Variants in ASTN2 observed in about 807,000 individuals in gnomAD.
ASTN2 encodes the protein astrotactin-2.
In ASTN2, 54 loss-of-function variants were observed where a neutral mutation model predicts 139.8. That is an observed-to-expected ratio of 0.39 (90% CI 0.31 to 0.48). ASTN2 has a LOEUF of 0.48. ASTN2 is among the 20% of genes least tolerant of loss of function. The pLI is 0.95. For synonymous variants in ASTN2, 756 were observed against 719.5 expected, an observed-to-expected ratio of 1.05 and a Z score of -0.81; for missense variants, 1,565 against 1,725.1, an observed-to-expected ratio of 0.91 and a Z score of 1.64.
At chr9:117,388,508 G>C (rs1481499843) in intron 1 of ASTN2, among the ~76,000 whole-genome samples, 2 of 152,216 alleles carry the variant, frequency 1.3e-5, no homozygotes, top group African/African-American at 2.4e-5. Flanking sequence ...GATCCCCAGA[G>C]CAAGCTCCTT....
Position 116,994,512 on chromosome 9 carries a change from G to A in ASTN2, c.1591+13580C>T, listed in dbSNP as rs139478733. Among the ~76,000 whole-genome samples, 211 of 152,240 alleles carry A rather than the reference G, an allele frequency of 1.4e-3. 1 individual carries two copies. Among genetic ancestry groups the A allele is most frequent in the Non-Finnish European group, 2.6e-3 (174 of 68,022 alleles). On this transcript the variant is annotated intron_variant, in intron 7 of 22. Transcript: ENST00000313400. The stretch of plus-strand genomic sequence containing the variant: ...CTGCTCTTTACTCTGTCACAGCACT[G>A]TCTAATTGAGCTTGTTGCAACAATG...
At chr9:116,746,516 G>A (rs2416570) in intron 13 of ASTN2, among the ~76,000 whole-genome samples, 83,749 of 151,986 alleles carry the variant, frequency 0.55, 24,217 homozygotes, top group Admixed American at 0.66. Flanking sequence ...CTCAAGATGA[G>A]CTGATTGGCA....
Position 117,414,958 on chromosome 9 carries a change from C to T in ASTN2, c.-20G>A, listed in dbSNP as rs1831290515. The T allele has an allele frequency of 4.1e-6, 1 of 244,114 alleles. No individual in the cohort carries two copies. The highest frequency in any genetic ancestry group is 7.0e-6 in the Non-Finnish European group (1 of 143,344). 15.1% of individuals were successfully genotyped at this position (244,114 alleles called of 1,614,324 possible). On this transcript the variant is annotated 5_prime_UTR_variant, in exon 1 of 23. Coordinates refer to ENST00000313400, the MANE Select transcript of ASTN2 (RefSeq NM_001365068.1). The surrounding 1 kb of genome is among the most constrained non-coding windows in gnomAD (Gnocchi z 4.2). ...GGCCATGGCGGGAGGGGCTGCGGTGCTGCGGGCGGCGGCGGCGGTGGCGGC... is the reference window on the plus strand; with the variant it reads ...GGCCATGGCGGGAGGGGCTGCGGTGTTGCGGGCGGCGGCGGCGGTGGCGGC...
intron 1 of ASTN2, among the ~76,000 whole-genome samples, chr9:117,357,588 C>T (rs535935979): frequency 6.6e-6 from 1 of 151,978 alleles, no homozygotes; most frequent in African/African-American, 2.4e-5. Context: ...CCAGGCCAAG[C>T]AGAGAAGGTG....
intron 10 of ASTN2, among the ~76,000 whole-genome samples, chr9:116,933,941 T>TGG (rs1564347566): frequency 6.8e-6 from 1 of 146,472 alleles, no homozygotes; most frequent in Non-Finnish European, 1.5e-5. Context: ...CTGAATATGG[T>TGG]GGGGCCCTGG....
intron 10 of ASTN2, among the ~76,000 whole-genome samples, chr9:116,906,456 C>T (rs901210775): frequency 1.3e-5 from 2 of 152,148 alleles, no homozygotes; most frequent in East Asian, 1.9e-4. Flanking sequence ...TTCCAGCCCC[C>T]CCAGACACTT....
chr9:117,124,278 T>A (rs1416884343), intron 4 of ASTN2, among the ~76,000 whole-genome samples: 1 of 152,202 alleles, frequency 6.6e-6, no homozygotes, highest in Non-Finnish European at 1.5e-5. Flanking sequence ...TTCTCATTTG[T>A]GTTATGGGAC....
chr9:117,011,026 T>C (rs1301727021), intron 6 of ASTN2, among the ~76,000 whole-genome samples: 2 of 152,150 alleles, frequency 1.3e-5, no homozygotes, highest in African/African-American at 4.8e-5. Context: ...GGGGAATAAG[T>C]GCCTAGGTGC....
intron 3 of ASTN2, among the ~76,000 whole-genome samples, chr9:117,172,730 C>T (rs1280930477): frequency 5.3e-5 from 8 of 152,120 alleles, no homozygotes; most frequent in Admixed American, 2.6e-4. Context: ...TGTAAAATAA[C>T]CTGCTGAGAT....
At chr9:116,740,579 C>A (rs1208498159) in intron 13 of ASTN2, among the ~76,000 whole-genome samples, 3 of 152,054 alleles carry the variant, frequency 2.0e-5, no homozygotes, top group African/African-American at 7.2e-5. Flanking sequence ...GTTGTGCGAT[C>A]TTGGCTCACT....
intron 3 of ASTN2, among the ~76,000 whole-genome samples, chr9:117,148,348 A>G (rs1830249458): frequency 2.6e-5 from 4 of 152,224 alleles, no homozygotes; most frequent in Admixed American, 2.6e-4. Flanking sequence ...AACATAGTAA[A>G]TGCTCAAGAA....
At chr9:117,034,367 T>C (rs1838325821) in intron 6 of ASTN2, among the ~76,000 whole-genome samples, 1 of 152,200 alleles carries the variant, frequency 6.6e-6, no homozygotes, top group Non-Finnish European at 1.5e-5. Context: ...TCAGGGTTAG[T>C]ATGTTATAAA....
chr9:116,661,354 G>T (rs1204719232), intron 16 of ASTN2, among the ~76,000 whole-genome samples: 1 of 152,162 alleles, frequency 6.6e-6, no homozygotes, highest in Non-Finnish European at 1.5e-5. Flanking sequence ...ACTGAGGGAA[G>T]CCAGGGAAAC....
At chr9:117,210,318 G>T (rs1207858797) in intron 3 of ASTN2, among the ~76,000 whole-genome samples, 1 of 151,862 alleles carries the variant, frequency 6.6e-6, no homozygotes, top group Non-Finnish European at 1.5e-5. Flanking sequence ...AAGATAAAAG[G>T]AGAGAACACT....
At chr9:117,373,707 G>T (rs901951346) in intron 1 of ASTN2, among the ~76,000 whole-genome samples, 11 of 152,180 alleles carry the variant, frequency 7.2e-5, no homozygotes, top group African/African-American at 2.7e-4. Flanking sequence ...AGGTGGCAAA[G>T]GTCCTGATCT....
chr9:117,123,777 T>C (rs929046218), intron 4 of ASTN2, among the ~76,000 whole-genome samples: 1 of 152,078 alleles, frequency 6.6e-6, no homozygotes, highest in African/African-American at 2.4e-5. Flanking sequence ...CCTACCCACC[T>C]CTCCTCAGCC....
chr9:117,287,721 C>T (rs544865999), intron 2 of ASTN2, among the ~76,000 whole-genome samples: 2 of 152,314 alleles, frequency 1.3e-5, no homozygotes, highest in East Asian at 1.9e-4. Flanking sequence ...AGCAAAATAG[C>T]AGCAAATATA....
chr9:117,225,535 G>GTATATATATATA (rs58184768), intron 2 of ASTN2, among the ~76,000 whole-genome samples: 6 of 63,954 alleles, frequency 9.4e-5, no homozygotes, highest in African/African-American at 2.6e-4. Context: ...CAAGCTGTAT[G>GTATATATATATA]TATATATATA....
At chr9:116,771,208 G>A (rs1046067710) in intron 13 of ASTN2, among the ~76,000 whole-genome samples, 2 of 152,086 alleles carry the variant, frequency 1.3e-5, no homozygotes, top group African/African-American at 4.8e-5. Flanking sequence ...CATCACACAG[G>A]ACTTGTAGGG....
Sources: gnomAD v4.1 joint callset for allele counts (sites outside exome capture counted in the v4.1 genomes callset) on GRCh38, gnomAD v4.1.1 for gene constraint, Gnocchi (gnomAD v3.1) non-coding constraint, MANE v1.5 for transcripts, NCBI Gene and HGNC (gene_info 2026-07-23, HGNC 2026-07-21) for gene names.